Variants in PTPRD observed in about 807,000 individuals in gnomAD.
The protein encoded by PTPRD is receptor-type tyrosine-protein phosphatase delta.
Under a neutral mutation model 214.5 loss-of-function variants are expected in PTPRD, and 34 were observed. The observed-to-expected ratio is 0.16, with a 90% confidence interval of 0.12 to 0.21. The LOEUF (loss-of-function observed/expected upper bound fraction) is 0.21. Among genes scored for constraint, PTPRD ranks in the 10% least tolerant of loss-of-function variants. The probability of loss-of-function intolerance (pLI) is 1.00; values close to 1 mark genes in which losing one functional copy is unlikely to be tolerated. For synonymous variants in PTPRD, 1,128 were observed against 845.7 expected (o/e 1.33, Z -5.79); for missense variants, 2,545 against 2,398.7 (o/e 1.06, Z -1.27).
intron 8 of PTPRD, among the ~76,000 whole-genome samples, chr9:9,399,984 A>G (rs10816122): frequency 0.072 from 10,993 of 152,114 alleles, 567 homozygotes; most frequent in Non-Finnish European, 0.11. Flanking sequence ...TACCTTTGGA[A>G]ATATTAATAA....
chr9:8,388,480 T>G (rs1354881010), intron 37 of PTPRD, among the ~76,000 whole-genome samples: 1 of 152,186 alleles, frequency 6.6e-6, no homozygotes, highest in Non-Finnish European at 1.5e-5. Flanking sequence ...AAGGTTGATT[T>G]TCTTCAGATG....
chr9:8,851,186 T>G (rs10759004), intron 11 of PTPRD, among the ~76,000 whole-genome samples: 1 of 141,458 alleles, frequency 7.1e-6, no homozygotes, highest in Non-Finnish European at 1.5e-5. Context: ...CTTTCTAAGA[T>G]GCACTACCAT....
chr9:9,602,499 T>C (rs923546817), intron 7 of PTPRD, among the ~76,000 whole-genome samples: 4 of 152,106 alleles, frequency 2.6e-5, no homozygotes, highest in Admixed American at 1.3e-4. Flanking sequence ...ATAACTTCAG[T>C]TATTTATATC....
chr9:8,559,148 A>G (rs893976403), intron 14 of PTPRD, among the ~76,000 whole-genome samples: 1 of 152,218 alleles, frequency 6.6e-6, no homozygotes, highest in African/African-American at 2.4e-5. Flanking sequence ...TGCAGAAAAA[A>G]TCAACAAAAA....
intron 4 of PTPRD, among the ~76,000 whole-genome samples, chr9:10,028,034 T>G (rs914968104): frequency 6.6e-6 from 1 of 152,200 alleles, no homozygotes; most frequent in African/African-American, 2.4e-5. Flanking sequence ...AAATCTCATG[T>G]TGAATTCCCA....
chr9:9,886,330 A>G (rs1479861711), intron 5 of PTPRD, among the ~76,000 whole-genome samples: 1 of 152,124 alleles, frequency 6.6e-6, no homozygotes, highest in Non-Finnish European at 1.5e-5. Flanking sequence ...ATTCACGGGC[A>G]TTTACATAAA....
At chr9:8,948,471 A>ATATATT (rs1567182797) in intron 11 of PTPRD, among the ~76,000 whole-genome samples, 6 of 17,056 alleles carry the variant, frequency 3.5e-4, no homozygotes, top group South Asian at 3.6e-3. Flanking sequence ...ATATTTACAT[A>ATATATT]TATATATATT....
At chr9:9,172,360 T>C (rs2099921993) in intron 10 of PTPRD, among the ~76,000 whole-genome samples, 1 of 152,108 alleles carries the variant, frequency 6.6e-6, no homozygotes, top group Non-Finnish European at 1.5e-5. Flanking sequence ...CAAAGTAAAA[T>C]GTTTGGGATC....
At chr9:10,418,079 T>A (rs951509169) in intron 2 of PTPRD, among the ~76,000 whole-genome samples, 11 of 151,964 alleles carry the variant, frequency 7.2e-5, no homozygotes, top group African/African-American at 1.9e-4. Flanking sequence ...TAGATTTTTT[T>A]AAATTAAAAC....
intron 14 of PTPRD, among the ~76,000 whole-genome samples, chr9:8,570,087 T>C (rs1010530623): frequency 1.3e-5 from 2 of 152,088 alleles, no homozygotes; most frequent in Non-Finnish European, 2.9e-5. Context: ...AGAATGACTG[T>C]TCCTATAGCA....
intron 8 of PTPRD, among the ~76,000 whole-genome samples, chr9:9,567,240 G>C (rs1217146702): frequency 1.3e-5 from 2 of 151,832 alleles, no homozygotes; most frequent in Non-Finnish European, 2.9e-5. Flanking sequence ...AAAATGCAGA[G>C]ATGATTGATT....
intron 5 of PTPRD, among the ~76,000 whole-genome samples, chr9:9,901,679 A>G (rs2076434874): frequency 6.6e-6 from 1 of 152,124 alleles, no homozygotes; most frequent in Admixed American, 6.6e-5. Flanking sequence ...TAGTTCTCAT[A>G]TTACTATAAA....
chr9:10,131,866 G>A (rs1387019982), intron 3 of PTPRD, among the ~76,000 whole-genome samples: 1 of 152,010 alleles, frequency 6.6e-6, no homozygotes, highest in Admixed American at 6.6e-5. Context: ...ATCGCTTTGT[G>A]ACATCAAAAT....
At chr9:9,495,893 A>G (rs1346335782) in intron 8 of PTPRD, among the ~76,000 whole-genome samples, 1 of 152,156 alleles carries the variant, frequency 6.6e-6, no homozygotes, top group Non-Finnish European at 1.5e-5. Context: ...AGACAATGAA[A>G]CCAACAGAAC....
At chr9:10,546,493 ATT>A (rs3076466) in intron 2 of PTPRD, among the ~76,000 whole-genome samples, 57,922 of 151,336 alleles carry the variant, frequency 0.38, 12,495 homozygotes, top group Non-Finnish European at 0.5. Flanking sequence ...AAGTAGGGGA[ATT>A]TTTTTTTTTA....
intron 7 of PTPRD, among the ~76,000 whole-genome samples, chr9:9,721,158 A>G (rs1384342896): frequency 7.9e-6 from 1 of 126,608 alleles, no homozygotes; most frequent in Non-Finnish European, 1.6e-5. Context: ...TAAAATACTA[A>G]AGTGTGGATA....
intron 10 of PTPRD, among the ~76,000 whole-genome samples, chr9:9,174,095 G>C (rs1209769086): frequency 6.6e-6 from 1 of 151,916 alleles, no homozygotes. Flanking sequence ...AAAATAGTTT[G>C]AACTATAAAA....
At chr9:8,959,722 A>G (rs577467917) in intron 11 of PTPRD, among the ~76,000 whole-genome samples, 2 of 152,206 alleles carry the variant, frequency 1.3e-5, no homozygotes, top group South Asian at 2.1e-4. Flanking sequence ...GAAAGCAGCT[A>G]TATTTCTTAT....
chr9:8,875,599 T>C (rs568545873), intron 11 of PTPRD, among the ~76,000 whole-genome samples: 8 of 148,250 alleles, frequency 5.4e-5, no homozygotes, highest in Non-Finnish European at 9.0e-5. Flanking sequence ...CAAAAGAATA[T>C]AGCAGAAACA....
Sources: gnomAD v4.1 joint callset for allele counts (sites outside exome capture counted in the v4.1 genomes callset) on GRCh38, gnomAD v4.1.1 for gene constraint, MANE v1.5 for transcripts, NCBI Gene and HGNC (gene_info 2026-07-23, HGNC 2026-07-21) for gene names.